The following UTP20 variants were observed in gnomAD, a reference collection of about 807,000 sequenced individuals.
The protein encoded by UTP20 is small subunit processome component 20 homolog.
UTP20 carries 164 observed loss-of-function variants against 329.5 expected under a neutral mutation model. The observed-to-expected ratio is 0.50, with a 90% CI of 0.44 to 0.57. UTP20 has a LOEUF of 0.57. Ranked by LOEUF, UTP20 falls within the 20% of genes least tolerant of loss-of-function variation. UTP20 has a pLI of 0.00. For synonymous variants in UTP20, 1,151 were observed against 1,159.3 expected (o/e 0.99, Z 0.14); for missense variants, 3,055 against 3,284.2 (o/e 0.93, Z 1.71).
intron 47 of UTP20, 93 bp downstream of exon 47, chr12:101,366,792 G>T: frequency 1.2e-5 from 18 of 1,440,384 alleles, no homozygotes; most frequent in South Asian, 5.8e-5. Context: ...CACTTCCATT[G>T]GAAATGCCTT....
chr12:101,283,885 CT>C (rs992493218), intron 2 of UTP20, among the ~76,000 whole-genome samples: 6 of 150,458 alleles, frequency 4.0e-5, no homozygotes, highest in Admixed American at 6.6e-5. Context: ...TCTTTTCTGC[CT>C]TTTTTTTTAA....
intron 18 of UTP20, among the ~76,000 whole-genome samples, chr12:101,309,140 G>A (rs1872714836): frequency 6.6e-6 from 1 of 152,112 alleles, no homozygotes; most frequent in Non-Finnish European, 1.5e-5. Flanking sequence ...TTCAGTCAGA[G>A]CAGTTCTTCT....
intron 38 of UTP20, among the ~76,000 whole-genome samples, chr12:101,351,431 A>G (rs1003655493): frequency 1.4e-4 from 21 of 151,126 alleles, no homozygotes; most frequent in Non-Finnish European, 7.4e-5. Context: ...GGTCCGTTTC[A>G]TGTATTTTGC....
intron 12 of UTP20, among the ~76,000 whole-genome samples, chr12:101,296,469 G>A (rs550335780): frequency 1.3e-5 from 2 of 151,774 alleles, no homozygotes; most frequent in Non-Finnish European, 2.9e-5. Context: ...TACTCGGGAG[G>A]CTGAGGCAGG....
intron 25 of UTP20, among the ~76,000 whole-genome samples, chr12:101,324,986 C>T (rs1485931444): frequency 6.6e-6 from 1 of 151,988 alleles, no homozygotes; most frequent in African/African-American, 2.4e-5. Flanking sequence ...GTTATTTAGC[C>T]ATCCACATGA....
intron 19 of UTP20, 36 bp downstream of exon 19, chr12:101,309,875 T>G: frequency 6.4e-7 from 1 of 1,572,842 alleles, no homozygotes; most frequent in Non-Finnish European, 8.7e-7. Flanking sequence ...ACTATTATAC[T>G]TTAACTACTG....
chr12:101,342,337 A>G, intron 32 of UTP20, 109 bp from the exon 33 acceptor site: 2 of 882,588 alleles, frequency 2.3e-6, no homozygotes, highest in Non-Finnish European at 3.2e-6. Flanking sequence ...TCCAATTACT[A>G]CTTTTACATC....
chr12:101,375,573 A>T, intron 55 of UTP20, 51 bp from the exon 56 acceptor site: 1 of 1,593,978 alleles, frequency 6.3e-7, no homozygotes, highest in Non-Finnish European at 8.5e-7. Flanking sequence ...ATTGTCCATC[A>T]GATACTTTCA....
rs528441378 is a variant in UTP20 at position 101,381,194 on chromosome 12, C to G, written c.7639C>G (p.Gln2547Glu). Reference protein sequence around the residue: ...CHQLHSKFLDQSLGEQVVKNL... With the variant: ...CHQLHSKFLDESLGEQVVKNL... ...TCAATTGCATTCCAAATTCTTGGAT[C>G]AGTCTCTAGGAGAACAGGTAAGAAT... The change falls in exon 58 of 62, where the codon CAG (glutamine) becomes GAG (glutamate). Residue 2547 changes from glutamine to glutamate, a missense_variant. Coordinates refer to ENST00000261637, the MANE Select transcript of UTP20 (RefSeq NM_014503.3). 1.2e-6 allele frequency: 2 copies of G among 1,613,686 alleles called. No homozygotes were observed. The highest frequency in any genetic ancestry group is 4.5e-5 in the East Asian group (2 of 44,870).
At chr12:101,371,554 C>T (rs1324971926) in intron 51 of UTP20, among the ~76,000 whole-genome samples, 18 of 95,856 alleles carry the variant, frequency 1.9e-4, no homozygotes, top group African/African-American at 6.1e-4. Context: ...TTTTTTGAGA[C>T]GGAGTCTCAC....
At chr12:101,307,433 G>A (rs1872670907) in intron 17 of UTP20, among the ~76,000 whole-genome samples, 2 of 151,944 alleles carry the variant, frequency 1.3e-5, no homozygotes, top group Admixed American at 6.6e-5. Context: ...CTGGAATGCA[G>A]TGGCGTGATT....
chr12:101,374,809 G>C lies in UTP20; in HGVS notation c.7133G>C (p.Arg2378Pro), dbSNP rs573079112. ...MVTTWFGAKK[R>P]LNRQLAALIC... ...TGTCTTGTGGTTTATTTTTGGTAGC[G>C]CTTAAATAGACAACTTGCTGCCCTG... is the stretch of plus-strand genomic sequence containing the variant. Residue 2378 changes from arginine to proline, a missense_variant and splice_region_variant, in exon 55 of 62, where the codon CGC becomes CCC. Physicochemically the swap from Arg to Pro is moderately radical, Grantham distance 103 (BLOSUM62 -2). Around this residue, in one of 3 missense-constraint regions of UTP20, gnomAD observed 273 missense variants for 363.1 expected, o/e 0.75. Transcript: ENST00000261637. The C allele has an allele frequency of 4.0e-6, 4 of 1,010,310 alleles. No individual in the cohort carries two copies. The Admixed American group carries it at 6.8e-5, about 17-fold the overall frequency. 62.6% of individuals were successfully genotyped at this position (1,010,310 alleles called of 1,614,324 possible). A position where few individuals can be genotyped will look rare whatever the true frequency, so the allele number is the denominator to read the frequency against.
At position 101,375,556 on chromosome 12, in the gene UTP20, G is replaced by T. The variant is rs1396447162; in HGVS notation, c.7264-68G>T. The T allele has an allele frequency of 5.8e-6, 9 of 1,545,218 alleles. No homozygotes were observed. The East Asian group carries it at 1.8e-4, about 31-fold the overall frequency. On this transcript the variant is annotated intron_variant, in intron 55 of 61. Coordinates refer to ENST00000261637, the MANE Select transcript of UTP20 (RefSeq NM_014503.3). The stretch of plus-strand genomic sequence containing the variant: ...CAGAAACGGGTGGATTGATGTGCTG[G>T]AGTAAAATTGTCCATCAGATACTTT...
At position 101,299,712 on chromosome 12, in the gene UTP20, C is replaced by T. The variant is rs1230403020; in HGVS notation, c.1461C>T (p.Ser487=). The stretch of plus-strand genomic sequence containing the variant: ...ATATAAAGCAGAAGAAGACTAGATC[C>T]AAGGGAAGAAACGAACAGTTTCCAG... The part of the protein sequence containing the change: ...GFYIKQKKTR[S]KGRNEQFPVL... The change falls in exon 13 of 62, where the codon TCC becomes TCT. Residue 487 remains serine (S), a synonymous_variant. Transcript: ENST00000261637. The T allele has an allele frequency of 6.3e-7, 1 of 1,599,382 alleles. No homozygotes were observed. The highest frequency in any genetic ancestry group is 8.5e-7 in the Non-Finnish European group (1 of 1,175,968).
At chr12:101,306,813 T>C (rs2137248143) in intron 17 of UTP20, 52 bp downstream of exon 17, 1 of 1,463,116 alleles carries the variant, frequency 6.8e-7, no homozygotes, top group South Asian at 1.3e-5. Flanking sequence ...GTTTTACATA[T>C]TATTGTGGTT....
At chr12:101,340,436 T>C in intron 31 of UTP20, 87 bp from the exon 32 acceptor site, 2 of 769,620 alleles carry the variant, frequency 2.6e-6, no homozygotes, top group South Asian at 1.8e-5. Flanking sequence ...ACTGTGTCTT[T>C]AGTCATTGTT....
chr12:101,285,531 T>G, intron 2 of UTP20, 39 bp from the exon 3 acceptor site: 1 of 1,589,948 alleles, frequency 6.3e-7, no homozygotes, highest in Non-Finnish European at 8.6e-7. Context: ...ATTGCTTTCT[T>G]AGAGTTATTT....
chr12:101,310,735 A>C (rs1390918617), intron 19 of UTP20, among the ~76,000 whole-genome samples: 1 of 152,124 alleles, frequency 6.6e-6, no homozygotes, highest in East Asian at 1.9e-4. Context: ...ATTAGTTATT[A>C]GTTCTTACTT....
intron 2 of UTP20, among the ~76,000 whole-genome samples, chr12:101,284,316 C>T (rs1199617407): frequency 6.6e-6 from 1 of 152,078 alleles, no homozygotes; most frequent in Non-Finnish European, 1.5e-5. Context: ...ATATTTAGCT[C>T]CCACTTATAA....
Sources: allele counts gnomAD v4.1 joint callset (sites outside exome capture counted in the v4.1 genomes callset), GRCh38; gene constraint gnomAD v4.1.1; regional missense constraint gnomAD v4.1.1; transcripts MANE v1.5; gene names NCBI Gene and HGNC (gene_info 2026-07-23, HGNC 2026-07-21).